Variants in ANKHD1 observed in about 807,000 individuals in gnomAD.
ANKHD1 encodes the protein ankyrin repeat and KH domain-containing protein 1.
Under a neutral mutation model 230.5 loss-of-function variants are expected in ANKHD1, and 31 were observed. The observed-to-expected ratio is 0.13, with a 90% CI of 0.10 to 0.18. ANKHD1 has a LOEUF of 0.18. Ranked by LOEUF, ANKHD1 falls within the 10% of genes least tolerant of loss-of-function variation. The pLI, the probability that ANKHD1 is intolerant of heterozygous loss-of-function variation, is 1.00. For missense variants in ANKHD1, 2,256 were observed against 3,071.3 expected, an observed-to-expected ratio of 0.73 and a Z score of 6.27; for synonymous variants, 1,074 against 1,117.6, an observed-to-expected ratio of 0.96 and a Z score of 0.78.
At chr5:140,409,406 G>A (rs1223283436) in intron 1 of ANKHD1, among the ~76,000 whole-genome samples, 2 of 152,098 alleles carry the variant, frequency 1.3e-5, no homozygotes, top group African/African-American at 4.8e-5. Context: ...CTTCCAGTTT[G>A]TTCAAAGTAG....
At chr5:140,430,133 A>G (rs1428985175) in intron 1 of ANKHD1, among the ~76,000 whole-genome samples, 1 of 152,174 alleles carries the variant, frequency 6.6e-6, no homozygotes, top group Non-Finnish European at 1.5e-5. Flanking sequence ...TTTTGTTTTT[A>G]AGGCAAGAAG....
At chr5:140,406,832 G>A (rs1381592191) in intron 1 of ANKHD1, among the ~76,000 whole-genome samples, 4 of 151,996 alleles carry the variant, frequency 2.6e-5, no homozygotes, top group East Asian at 1.9e-4. Context: ...CACCCACCTG[G>A]CCCTTTTGTT....
intron 10 of ANKHD1, among the ~76,000 whole-genome samples, chr5:140,468,703 A>T (rs751891169): frequency 4.6e-5 from 7 of 152,194 alleles, no homozygotes; most frequent in Non-Finnish European, 1.0e-4. Context: ...GTGATATAAC[A>T]TCTTTCCGTG....
chr5:140,515,077 A>C (rs1293543253), intron 24 of ANKHD1, among the ~76,000 whole-genome samples: 1 of 152,044 alleles, frequency 6.6e-6, no homozygotes, highest in Non-Finnish European at 1.5e-5. Context: ...TAAGAGTTTG[A>C]GACCAGCCTG....
At chr5:140,488,356 T>C (rs961073740) in intron 14 of ANKHD1, among the ~76,000 whole-genome samples, 11 of 151,434 alleles carry the variant, frequency 7.3e-5, no homozygotes, top group African/African-American at 2.7e-4. Flanking sequence ...AGGCTGAGGC[T>C]GGTGAATCAT....
intron 22 of ANKHD1, 85 bp downstream of exon 22, chr5:140,510,266 A>T: frequency 7.4e-7 from 1 of 1,356,872 alleles, no homozygotes; most frequent in South Asian, 1.8e-5. Flanking sequence ...ATCTTGGAGA[A>T]TTGAGTATAT....
chr5:140,459,346 C>G lies in ANKHD1; in HGVS notation c.1663C>G (p.Leu555Val). Residue 555 changes from leucine (L) to valine (V), a missense_variant, in exon 9 of 34, where the codon CTG becomes GTG. Coordinates refer to ENST00000360839, the MANE Select transcript of ANKHD1 (RefSeq NM_017747.3). ...ACACCTGGAATTGGTTAAATATTTG[C>G]TGGCTTCTGGTATGTGGCTTTAAGA... Reference protein sequence around the residue: ...EGHLELVKYLLASGANVHATT... With the variant: ...EGHLELVKYLVASGANVHATT... The G allele has an allele frequency of 1.3e-6, 2 of 1,568,844 alleles. No individual in the cohort carries two copies. The highest frequency in any genetic ancestry group is 1.7e-6 in the Non-Finnish European group (2 of 1,151,238).
At chr5:140,483,710 G>A (rs1442308306) in intron 11 of ANKHD1, among the ~76,000 whole-genome samples, 1 of 151,820 alleles carries the variant, frequency 6.6e-6, no homozygotes, top group African/African-American at 2.4e-5. Flanking sequence ...TGCCCGCCTC[G>A]GCCTCCCAAA....
intron 30 of ANKHD1, chr5:140,535,913 A>T (rs1423711258): frequency 6.7e-6 from 1 of 150,130 alleles, no homozygotes; most frequent in Non-Finnish European, 1.5e-5. Flanking sequence ...AAAAAAAAAA[A>T]AGTACCGCAA....
chr5:140,403,333 A>G (rs1770143205), intron 1 of ANKHD1, among the ~76,000 whole-genome samples: 1 of 151,886 alleles, frequency 6.6e-6, no homozygotes, highest in African/African-American at 2.4e-5. Context: ...TGTGTACTCT[A>G]ATGTGTACAC....
chr5:140,487,261 A>G (rs1751553106), intron 14 of ANKHD1, among the ~76,000 whole-genome samples: 1 of 152,232 alleles, frequency 6.6e-6, no homozygotes. Context: ...TCCTGTTAAC[A>G]TACTGATAGT....
In ANKHD1 at chr5:140,526,247, C is replaced by T. The variant is rs1753602366; in HGVS notation, c.4744C>T (p.Pro1582Ser). The change falls in exon 26 of 34, where the codon CCT becomes TCT. Residue 1582 changes from proline (P) to serine (S), a missense_variant. This residue lies in a region of ANKHD1 where 212 missense variants were observed against 257.3 expected (regional missense o/e 0.82). Transcript: ENST00000360839. ...KADKNKINGE[P>S]RGGGAGGNSD... The stretch of plus-strand genomic sequence containing the variant: ...AGATAAAAATAAAATAAATGGAGAA[C>T]CTAGAGGTGGTGGTGCAGGTGGGAA... 1.9e-6 allele frequency: 3 copies of T among 1,614,086 alleles called. No individual in the cohort carries two copies. The highest frequency in any genetic ancestry group is 1.3e-5 in the African/African-American group (1 of 75,012).
intron 10 of ANKHD1, among the ~76,000 whole-genome samples, chr5:140,479,168 T>G: frequency 1.3e-5 from 2 of 151,566 alleles, no homozygotes; most frequent in Non-Finnish European, 2.9e-5. Flanking sequence ...CGGCTAATTT[T>G]GTTTTTTTTT....
Position 140,537,602 on chromosome 5 carries a change from TGCTC to T in ANKHD1, c.7228+14_7228+17del. On this transcript the variant is annotated intron_variant, in intron 31 of 33. Transcript: ENST00000360839. ...AATGCTGTGTCAGGTACAATTGCCTTGCTCTCTCTCTGGAGGGATATCTTAAGTA... is the reference window on the plus strand; with the variant it reads ...AATGCTGTGTCAGGTACAATTGCCTTTCTCTCTGGAGGGATATCTTAAGTA... 1 of 1,545,808 alleles carries T rather than the reference TGCTC, an allele frequency of 6.5e-7. No homozygotes were observed. The highest frequency in any genetic ancestry group is 8.7e-7 in the Non-Finnish European group (1 of 1,146,424).
At position 140,507,966 on chromosome 5, in the gene ANKHD1, G is replaced by T; in HGVS notation, c.3733G>T (p.Asp1245Tyr). The stretch of plus-strand genomic sequence containing the variant: ...AGCAGAAGTAGTGAGTTTGCTTCTG[G>T]ACCGAAAAGCCAATGTTGAACATAG... Reference protein sequence around the residue: ...GRAEVVSLLLDRKANVEHRAK... With the variant: ...GRAEVVSLLLYRKANVEHRAK... Residue 1245 changes from aspartate (D) to tyrosine (Y), a missense_variant, in exon 20 of 34, where the codon GAC (aspartate) becomes TAC (tyrosine). Physicochemically the swap from Asp to Tyr is radical, Grantham distance 160. Transcript: ENST00000360839. The surrounding 1 kb of genome is among the most constrained non-coding windows in gnomAD (Gnocchi z 4.1). The T allele has an allele frequency of 6.2e-7, 1 of 1,613,880 alleles. No individual in the cohort carries two copies. Among genetic ancestry groups the T allele is most frequent in the East Asian group, 2.2e-5 (1 of 44,892 alleles).
At chr5:140,429,250 C>T (rs568181721) in intron 1 of ANKHD1, among the ~76,000 whole-genome samples, 48 of 151,700 alleles carry the variant, frequency 3.2e-4, no homozygotes, top group Non-Finnish European at 1.6e-4. Context: ...CCTGCCACCA[C>T]GCCCGGCTAA....
At chr5:140,483,608 C>G (rs1751384819) in intron 11 of ANKHD1, among the ~76,000 whole-genome samples, 1 of 151,988 alleles carries the variant, frequency 6.6e-6, no homozygotes, top group Admixed American at 6.6e-5. Flanking sequence ...CAGGCATGCA[C>G]CACCATGCAC....
Position 140,505,719 on chromosome 5 carries a change from T to G in ANKHD1, c.3263-5T>G. 6.3e-7 allele frequency: 1 copy of G among 1,579,956 alleles called. No individual in the cohort carries two copies. Among genetic ancestry groups the G allele is most frequent in the Non-Finnish European group, 8.5e-7 (1 of 1,171,366 alleles). On this transcript the variant is annotated splice_polypyrimidine_tract_variant and splice_region_variant and intron_variant, in intron 17 of 33. Coordinates refer to ENST00000360839, the MANE Select transcript of ANKHD1 (RefSeq NM_017747.3). The stretch of plus-strand genomic sequence containing the variant: ...TTTGTTTAAGATTTTCATTTTCTGA[T>G]TTAGGTTTCACACCACTAATCCTGG...
Position 140,459,345 on chromosome 5 carries a change from G to C in ANKHD1, c.1662G>C (p.Leu554Phe). Residue 554 changes from leucine (L) to phenylalanine (F), a missense_variant, in exon 9 of 34, where the codon TTG (leucine) becomes TTC (phenylalanine). Around this residue, in one of 13 missense-constraint regions of ANKHD1, gnomAD observed 179 missense variants for 261.8 expected, o/e 0.68. Coordinates refer to ENST00000360839, the MANE Select transcript of ANKHD1 (RefSeq NM_017747.3). ...GACACCTGGAATTGGTTAAATATTT[G>C]CTGGCTTCTGGTATGTGGCTTTAAG... Reference protein sequence around the residue: ...QEGHLELVKYLLASGANVHAT... With the variant: ...QEGHLELVKYFLASGANVHAT... 6.4e-7 allele frequency: 1 copy of C among 1,569,054 alleles called. No homozygotes were observed. Among genetic ancestry groups the C allele is most frequent in the Non-Finnish European group, 8.7e-7 (1 of 1,151,304 alleles).
Sources: gnomAD v4.1 joint callset for allele counts (sites outside exome capture counted in the v4.1 genomes callset) on GRCh38, gnomAD v4.1.1 for gene constraint, gnomAD v4.1.1 regional missense constraint, Gnocchi (gnomAD v3.1) non-coding constraint, MANE v1.5 for transcripts, NCBI Gene and HGNC (gene_info 2026-07-23, HGNC 2026-07-21) for gene names.